OTUD7A: variants seen among roughly 807,000 people sequenced by gnomAD.
The protein encoded by OTUD7A is OTU domain-containing protein 7A.
Under a neutral mutation model 65.7 loss-of-function variants are expected in OTUD7A, and 12 were observed. The ratio of observed to expected loss-of-function variants is 0.18; its 90% CI spans 0.12 to 0.30. OTUD7A has a LOEUF of 0.30. OTUD7A is among the 10% of genes least tolerant of loss of function. OTUD7A has a pLI of 1.00. For missense variants in OTUD7A, 1,148 were observed against 1,304.8 expected, an observed-to-expected ratio of 0.88 and a Z score of 1.85; for synonymous variants, 641 against 586.3, an observed-to-expected ratio of 1.09 and a Z score of -1.35.
chr15:31,525,903 C>A lies in OTUD7A; in HGVS notation c.893+446G>T, dbSNP rs1212503137. Among the ~76,000 whole-genome samples the A allele has an allele frequency of 3.3e-5, 5 of 152,336 alleles. No homozygotes were observed. The East Asian group carries it at 9.7e-4, about 29-fold the overall frequency. On this transcript the variant is annotated intron_variant, in intron 8 of 12. Coordinates refer to ENST00000307050, the MANE Select transcript of OTUD7A (RefSeq NM_001382637.1). ...GCTTAATGAGCTTCTGCTTTCAGGGCAACTTCTTGAAGCCACAAATTAATT... is the reference window on the plus strand; with the variant it reads ...GCTTAATGAGCTTCTGCTTTCAGGGAAACTTCTTGAAGCCACAAATTAATT...
At chr15:31,661,068 A>G (rs1892149501) in intron 1 of OTUD7A, among the ~76,000 whole-genome samples, 1 of 152,228 alleles carries the variant, frequency 6.6e-6, no homozygotes, top group African/African-American at 2.4e-5. Context: ...CAGCTCTCAG[A>G]GCATCTGGTG....
intron 8 of OTUD7A, among the ~76,000 whole-genome samples, chr15:31,515,458 C>T (rs2041830772): frequency 6.6e-6 from 1 of 152,132 alleles, no homozygotes; most frequent in African/African-American, 2.4e-5. Flanking sequence ...ACCAAAAAAC[C>T]AATAAATATT....
At chr15:31,696,728 T>G (rs558672741) in intron 1 of OTUD7A, among the ~76,000 whole-genome samples, 1 of 151,654 alleles carries the variant, frequency 6.6e-6, no homozygotes, top group East Asian at 2.0e-4. Context: ...GTTAGGGGAG[T>G]TCCCATGAGT....
At chr15:31,638,518 G>A (rs13380159) in intron 3 of OTUD7A, among the ~76,000 whole-genome samples, 28 of 149,706 alleles carry the variant, frequency 1.9e-4, no homozygotes, top group Non-Finnish European at 3.0e-4. Flanking sequence ...TAGCTGGGAC[G>A]ACAGGCATGC....
chr15:31,487,660 T>G lies in OTUD7A; in HGVS notation c.1172-94A>C, dbSNP rs1215019452. ...CCAAGCCAGGTATCTGGGTGACAAA[T>G]GCACCGAGTGGACATCTACACAGAT... On this transcript the variant is annotated intron_variant, in intron 10 of 12. Transcript: ENST00000307050. This position sits in a 1 kb window ranked among gnomAD's most constrained non-coding sequence, Gnocchi z 6.0. The G allele has an allele frequency of 1.1e-5, 9 of 849,774 alleles. No individual in the cohort carries two copies. The highest frequency in any genetic ancestry group is 1.8e-5 in the African/African-American group (1 of 56,840). 52.6% of individuals were successfully genotyped at this position (849,774 alleles called of 1,614,324 possible).
chr15:31,574,209 AT>A (rs1364985846), intron 3 of OTUD7A, among the ~76,000 whole-genome samples: 2 of 152,234 alleles, frequency 1.3e-5, no homozygotes, highest in Non-Finnish European at 2.9e-5. Flanking sequence ...AAAAGTAACC[AT>A]TAACATAGTT....
At chr15:31,733,597 G>A (rs889044503) in intron 1 of OTUD7A, among the ~76,000 whole-genome samples, 4 of 152,146 alleles carry the variant, frequency 2.6e-5, no homozygotes, top group Admixed American at 6.6e-5. Context: ...GCTCTATCAG[G>A]GAACAGAGAT....
intron 5 of OTUD7A, among the ~76,000 whole-genome samples, chr15:31,532,743 CGGTGAAA>C (rs1887669878): frequency 1.3e-5 from 2 of 151,784 alleles, no homozygotes; most frequent in Admixed American, 6.6e-5. Context: ...CTGGCTAACA[CGGTGAAA>C]GGTGAAACCC....
chr15:31,850,403 C>T (rs1021909420), intron 1 of OTUD7A, among the ~76,000 whole-genome samples: 1 of 147,450 alleles, frequency 6.8e-6, no homozygotes, highest in African/African-American at 2.5e-5. Flanking sequence ...CACACTGGGG[C>T]CTGTTGTGGG....
At chr15:31,589,085 A>C (rs1889636944) in intron 3 of OTUD7A, among the ~76,000 whole-genome samples, 1 of 152,320 alleles carries the variant, frequency 6.6e-6, no homozygotes, top group Middle Eastern at 3.4e-3. Context: ...TGGGTTTTGG[A>C]AACAGCTAGT....
At chr15:31,859,555 T>C (rs547488550) in intron 1 of OTUD7A, among the ~76,000 whole-genome samples, 45 of 152,346 alleles carry the variant, frequency 3.0e-4, no homozygotes, top group African/African-American at 1.1e-3. Flanking sequence ...GGAGACCAAC[T>C]TTCTTTCCCC....
intron 5 of OTUD7A, among the ~76,000 whole-genome samples, chr15:31,535,673 TG>T (rs1480587491): frequency 6.0e-4 from 82 of 136,550 alleles, no homozygotes; most frequent in African/African-American, 1.8e-3. Flanking sequence ...GTTCTGTTTT[TG>T]TTTTTTTTTT....
intron 1 of OTUD7A, among the ~76,000 whole-genome samples, chr15:31,693,310 T>C (rs1350261150): frequency 2.6e-5 from 4 of 152,258 alleles, no homozygotes; most frequent in Non-Finnish European, 5.9e-5. Context: ...TGTAAAGATC[T>C]GGAAGGCTGA....
chr15:31,534,056 A>G (rs1057036200), intron 5 of OTUD7A, among the ~76,000 whole-genome samples: 3 of 152,194 alleles, frequency 2.0e-5, no homozygotes, highest in African/African-American at 7.2e-5. Context: ...ACAACAACCA[A>G]TATTACACAA....
intron 1 of OTUD7A, among the ~76,000 whole-genome samples, chr15:31,679,369 A>G (rs11852507): frequency 0.18 from 26,685 of 151,940 alleles, 2,600 homozygotes; most frequent in East Asian, 0.25. Context: ...TGAGAACATG[A>G]GATTTGATTT....
chr15:31,854,094 T>C (rs1343451017), intron 1 of OTUD7A, among the ~76,000 whole-genome samples: 1 of 152,202 alleles, frequency 6.6e-6, no homozygotes, highest in African/African-American at 2.4e-5. Flanking sequence ...AAGTCGGAAA[T>C]CTAAAATCGG....
chr15:31,788,442 T>G (rs1481217577), intron 1 of OTUD7A, among the ~76,000 whole-genome samples: 3 of 152,238 alleles, frequency 2.0e-5, no homozygotes. Context: ...TCTCATCTCT[T>G]TTCTTGTTTT....
chr15:31,600,057 G>C lies in OTUD7A; in HGVS notation c.152-29860C>G, dbSNP rs559599795. ...TGATGGGGAGAATGGAACCAAGATG[G>C]AAAACACTCTTCAGGATATTATCTA... is the stretch of plus-strand genomic sequence containing the variant. On this transcript the variant is annotated intron_variant, in intron 3 of 12. Transcript: ENST00000307050. Among the ~76,000 whole-genome samples, 5 of 152,246 alleles carry C rather than the reference G, an allele frequency of 3.3e-5. No individual in the cohort carries two copies. In the South Asian group the frequency reaches 1.0e-3, roughly 32 times the overall value.
intron 1 of OTUD7A, among the ~76,000 whole-genome samples, chr15:31,860,836 G>A (rs1356282854): frequency 6.8e-6 from 1 of 147,490 alleles, no homozygotes; most frequent in African/African-American, 2.5e-5. Context: ...CTTCCAAGTA[G>A]CTGGGACTAC....
Sources: allele counts gnomAD v4.1 joint callset (sites outside exome capture counted in the v4.1 genomes callset), GRCh38; gene constraint gnomAD v4.1.1; non-coding constraint Gnocchi (gnomAD v3.1); transcripts MANE v1.5; gene names NCBI Gene and HGNC (gene_info 2026-07-23, HGNC 2026-07-21).